The following MXRA7 variants were observed in gnomAD, a reference collection of about 807,000 sequenced individuals.
MXRA7 encodes matrix remodeling associated 7.
Under a neutral mutation model 17.4 loss-of-function variants are expected in MXRA7, and 18 were observed. That is an observed-to-expected ratio of 1.03 (90% confidence interval 0.71 to 1.53). The LOEUF (loss-of-function observed/expected upper bound fraction) is 1.53, where lower values mean the gene tolerates loss of function less well. MXRA7 is among the 40% of genes most tolerant of loss of function. The pLI is 0.00. For synonymous variants in MXRA7, 70 were observed against 101.7 expected, an observed-to-expected ratio of 0.69 and a Z score of 1.87; for missense variants, 141 against 209.3, an observed-to-expected ratio of 0.67 and a Z score of 2.01.
intron 1 of MXRA7, among the ~76,000 whole-genome samples, chr17:76,694,884 C>T (rs985237087): frequency 2.0e-5 from 3 of 152,000 alleles, no homozygotes; most frequent in Non-Finnish European, 2.9e-5. Context: ...TAAAAAATAA[C>T]GGGGGCCGGG....
At chr17:76,678,807 C>CT (rs2076262275), downstream of MXRA7, among the ~76,000 whole-genome samples, 3 of 152,312 alleles carry the variant, frequency 2.0e-5, no homozygotes, top group African/African-American at 7.2e-5. Flanking sequence ...TATTCCTTTG[C>CT]TTCACCCTTC....
In MXRA7 at chr17:76,706,316, CATCACAAA is replaced by C. The variant is rs1277774053; in HGVS notation, c.342+4281_342+4288del. Among the ~76,000 whole-genome samples the C allele has an allele frequency of 2.6e-3, 249 of 96,270 alleles. 38 individuals carry two copies. Among genetic ancestry groups the C allele is most frequent in the East Asian group, 7.7e-3 (27 of 3,512 alleles). 63.2% of individuals were successfully genotyped at this position (96,270 alleles called of 152,430 possible). A position where few individuals can be genotyped will look rare whatever the true frequency, so the allele number is the denominator to read the frequency against. The stretch of plus-strand genomic sequence containing the variant: ...CTGCCGTCACAGAGGCCCACGCTGC[CATCACAAA>C]GGACCACGCTGCCATCACAGAGGCC... On this transcript the variant is annotated intron_variant, in intron 1 of 3. Transcript: ENST00000449428.
At chr17:76,698,723 T>G (rs1476352283) in intron 1 of MXRA7, among the ~76,000 whole-genome samples, 1 of 141,960 alleles carries the variant, frequency 7.0e-6, no homozygotes. Context: ...TTTTTTTTTT[T>G]TTTTTTTTTT....
chr17:76,693,314 A>C (rs1186129121), intron 1 of MXRA7, among the ~76,000 whole-genome samples: 1 of 151,904 alleles, frequency 6.6e-6, no homozygotes, highest in African/African-American at 2.4e-5. Context: ...CTAAAAATAC[A>C]AAAATTAGTT....
intron 3 of MXRA7, among the ~76,000 whole-genome samples, chr17:76,683,145 GCTGGCAGTTGTGTCCAGCCCCCT>G (rs1160646470): frequency 2.6e-5 from 4 of 152,182 alleles, no homozygotes; most frequent in Non-Finnish European, 5.9e-5. Context: ...ACCTTCAAGG[GCTGGCAGTTGTGTCCAGCCCCCT>G]CTAGCCTCTG....
chr17:76,687,728 G>A (rs907077799), intron 2 of MXRA7, among the ~76,000 whole-genome samples: 4 of 152,348 alleles, frequency 2.6e-5, no homozygotes, highest in Admixed American at 6.5e-5. Context: ...AAGAAGGCAC[G>A]GGGGAGGCCG....
chr17:76,699,765 C>T (rs1360931437), intron 1 of MXRA7, among the ~76,000 whole-genome samples: 2 of 152,096 alleles, frequency 1.3e-5, no homozygotes, highest in Admixed American at 6.5e-5. Flanking sequence ...GGCAGGGGTC[C>T]CCCAGGGTCA....
At chr17:76,707,965 A>G (rs909879545) in intron 1 of MXRA7, among the ~76,000 whole-genome samples, 7 of 152,242 alleles carry the variant, frequency 4.6e-5, no homozygotes, top group African/African-American at 1.7e-4. Context: ...AAGAGGTTCT[A>G]GCAGTATCAT....
intron 3 of MXRA7, among the ~76,000 whole-genome samples, chr17:76,682,459 C>G (rs2076318832): frequency 1.3e-5 from 2 of 152,068 alleles, no homozygotes; most frequent in African/African-American, 4.8e-5. Context: ...ACTGATGATT[C>G]TAGGGCGGTT....
chr17:76,708,745 G>A (rs561147552), intron 1 of MXRA7, among the ~76,000 whole-genome samples: 2 of 152,232 alleles, frequency 1.3e-5, no homozygotes, highest in East Asian at 3.9e-4. Flanking sequence ...GGAGTTTTGG[G>A]GGAGCTTTGG....
chr17:76,679,081 G>A (rs951321654), downstream of MXRA7, among the ~76,000 whole-genome samples: 4 of 152,028 alleles, frequency 2.6e-5, no homozygotes, highest in Non-Finnish European at 4.4e-5. Context: ...GATCACTTGA[G>A]CCCAGGAGTT....
intron 1 of MXRA7, among the ~76,000 whole-genome samples, chr17:76,700,530 C>G (rs1203679493): frequency 2.0e-5 from 3 of 152,174 alleles, no homozygotes; most frequent in Non-Finnish European, 4.4e-5. Flanking sequence ...AACAAGATAC[C>G]TTCCTGCTGC....
rs2143565134 is a variant in MXRA7 at position 76,679,939 on chromosome 17, A to G, written c.*928T>C. The G allele has an allele frequency of 2.3e-6, 1 of 439,190 alleles. No homozygotes were observed. The highest frequency in any genetic ancestry group is 1.4e-4 in the East Asian group (1 of 7,316). 27.2% of individuals were successfully genotyped at this position (439,190 alleles called of 1,614,324 possible). A position where few individuals can be genotyped will look rare whatever the true frequency, so the allele number is the denominator to read the frequency against. On this transcript the variant is annotated 3_prime_UTR_variant, in exon 4 of 4. Transcript: ENST00000449428. ...CATTCCCCAGCCTTCCATTAAATGAAAACATTTTCTATAAACTTACTGCTT... is the reference window on the plus strand; with the variant it reads ...CATTCCCCAGCCTTCCATTAAATGAGAACATTTTCTATAAACTTACTGCTT...
In MXRA7 at chr17:76,706,353, T is replaced by A. The variant is rs112598325; in HGVS notation, c.342+4252A>T. Reference sequence around the variant, plus strand: ...CCACGCTGCCATCACAGAGGCCCACTCTGCCATCACAGAGGCCCACGCTGC... The same window carrying A: ...CCACGCTGCCATCACAGAGGCCCACACTGCCATCACAGAGGCCCACGCTGC... On this transcript the variant is annotated intron_variant, in intron 1 of 3. Coordinates refer to ENST00000449428, the MANE Select transcript of MXRA7 (RefSeq NM_198530.4). 5.0e-3 allele frequency among the ~76,000 whole-genome samples: 99 copies of A among 19,780 alleles called. 6 individuals carry two copies. The highest frequency in any genetic ancestry group is 0.014 in the East Asian group (14 of 1,016). 13.0% of individuals were successfully genotyped at this position (19,780 alleles called of 152,430 possible).
intron 2 of MXRA7, 131 bp from the exon 3 acceptor site, chr17:76,685,296 AC>A: frequency 1.5e-6 from 1 of 676,554 alleles, no homozygotes; most frequent in Non-Finnish European, 2.6e-6. Flanking sequence ...GAGACATCTC[AC>A]CCCAGCGCCT....
intron 1 of MXRA7, among the ~76,000 whole-genome samples, chr17:76,691,235 T>C (rs771879884): frequency 1.1e-4 from 17 of 152,194 alleles, no homozygotes; most frequent in Non-Finnish European, 2.4e-4. Flanking sequence ...TGCATTCCCG[T>C]GCGCAGGGGG....
intron 1 of MXRA7, among the ~76,000 whole-genome samples, chr17:76,703,419 T>G (rs2143676016): frequency 6.6e-6 from 1 of 152,176 alleles, no homozygotes; most frequent in Admixed American, 6.5e-5. Context: ...CTCAGCAGTT[T>G]GAGACCAACC....
chr17:76,709,340 ACCGCGT>A (rs1472826652), intron 1 of MXRA7, among the ~76,000 whole-genome samples: 1 of 152,004 alleles, frequency 6.6e-6, no homozygotes, highest in East Asian at 1.9e-4. Flanking sequence ...CTCCACCATC[ACCGCGT>A]GAGGTCTGGA....
chr17:76,685,667 G>A (rs1459464265), intron 2 of MXRA7, among the ~76,000 whole-genome samples: 1 of 152,252 alleles, frequency 6.6e-6, no homozygotes, highest in Non-Finnish European at 1.5e-5. Context: ...TTTGACGTGT[G>A]TACCGCTGAA....
Sources: gnomAD v4.1 joint callset for allele counts (sites outside exome capture counted in the v4.1 genomes callset) on GRCh38, gnomAD v4.1.1 for gene constraint, MANE v1.5 for transcripts, NCBI Gene and HGNC (gene_info 2026-07-23, HGNC 2026-07-21) for gene names.